MET: variants seen among roughly 807,000 people sequenced by gnomAD.
MET encodes the protein MET proto-oncogene, receptor tyrosine kinase, also known as hepatocyte growth factor receptor.
A neutral mutation model predicts 133.1 loss-of-function variants in MET; 48 were observed. The observed-to-expected ratio is 0.36, with a 90% CI of 0.29 to 0.46. The LOEUF (loss-of-function observed/expected upper bound fraction) is 0.46. Ranked by LOEUF, MET falls within the 20% of genes least tolerant of loss-of-function variation. The pLI is 1.00. For synonymous variants in MET, 628 were observed against 616.5 expected, an observed-to-expected ratio of 1.02 and a Z score of -0.28; for missense variants, 1,442 against 1,695.9, an observed-to-expected ratio of 0.85 and a Z score of 2.63.
chr7:116,750,989 T>A (rs1008564654), intron 5 of MET, among the ~76,000 whole-genome samples: 2 of 152,204 alleles, frequency 1.3e-5, no homozygotes, highest in Middle Eastern at 3.2e-3. Context: ...GTAAATTAGT[T>A]CAACCATTGT....
chr7:116,765,992 T>C (rs1794612284), intron 11 of MET, among the ~76,000 whole-genome samples: 1 of 152,232 alleles, frequency 6.6e-6, no homozygotes, highest in African/African-American at 2.4e-5. Flanking sequence ...TTAACTCTCA[T>C]TTAATGTATA....
intron 18 of MET, 47 bp downstream of exon 18, chr7:116,782,144 A>G: frequency 7.6e-7 from 1 of 1,322,122 alleles, no homozygotes. Context: ...AGTGACAAGG[A>G]GGAATCTGTT....
At position 116,796,330 on chromosome 7, in the gene MET, C is replaced by A; in HGVS notation, c.*206C>A. 1.7e-6 allele frequency: 1 copy of A among 599,552 alleles called. No individual in the cohort carries two copies. The highest frequency in any genetic ancestry group is 3.0e-6 in the Non-Finnish European group (1 of 337,044). The allele number at this position is 599,552 out of a possible 1,614,324, so 37.1% of individuals were successfully genotyped here. A position where few individuals can be genotyped will look rare whatever the true frequency, so the allele number is the denominator to read the frequency against. On this transcript the variant is annotated 3_prime_UTR_variant, in exon 21 of 21. Coordinates refer to ENST00000397752, the MANE Select transcript of MET (RefSeq NM_000245.4). The stretch of plus-strand genomic sequence containing the variant: ...AGGCTTGGTCCCACAGGCCACGGAC[C>A]AATGGCCTGCAGCCGTGACAACACT...
chr7:116,764,830 G>C (rs1296893038), intron 11 of MET, among the ~76,000 whole-genome samples: 1 of 152,176 alleles, frequency 6.6e-6, no homozygotes, highest in Non-Finnish European at 1.5e-5. Flanking sequence ...CCACGTGACA[G>C]AATAGTAATC....
chr7:116,764,216 C>T (rs567846166), intron 11 of MET, among the ~76,000 whole-genome samples: 209 of 152,240 alleles, frequency 1.4e-3, no homozygotes, highest in African/African-American at 3.8e-3. Flanking sequence ...CATATGTTCA[C>T]GTTCATACAA....
chr7:116,764,029 A>G (rs1794513438), intron 11 of MET, among the ~76,000 whole-genome samples: 2 of 152,090 alleles, frequency 1.3e-5, no homozygotes, highest in Non-Finnish European at 1.5e-5. Context: ...AACATTTAGA[A>G]TTTTTTTTCC....
intron 16 of MET, among the ~76,000 whole-genome samples, chr7:116,777,679 G>A (rs1795036717): frequency 6.6e-6 from 1 of 152,158 alleles, no homozygotes; most frequent in African/African-American, 2.4e-5. Flanking sequence ...CATTAGTAAG[G>A]GGGTAGGAGA....
Position 116,767,961 on chromosome 7 carries a change from CAT to C in MET, c.2584-1671_2584-1670del, listed in dbSNP as rs35523419. On this transcript the variant is annotated intron_variant, in intron 11 of 20. Coordinates refer to ENST00000397752, the MANE Select transcript of MET (RefSeq NM_000245.4). ...TCTGGGACTTTACGCTTCTAATATG[CAT>C]ATATATATATATGTGTGTGTGTGTG... Among the ~76,000 whole-genome samples, 57 of 139,028 alleles carry C rather than the reference CAT, an allele frequency of 4.1e-4. 1 individual carries two copies. Among genetic ancestry groups the C allele is most frequent in the Admixed American group, 7.9e-4 (11 of 13,944 alleles). The allele number at this position is 139,028 out of a possible 152,430, so 91.2% of individuals were successfully genotyped here.
chr7:116,767,972 ATATG>A (rs888370177), intron 11 of MET, among the ~76,000 whole-genome samples: 19 of 124,522 alleles, frequency 1.5e-4, no homozygotes, highest in East Asian at 2.4e-4. Flanking sequence ...ATATATATAT[ATATG>A]TGTGTGTGTG....
intron 10 of MET, 34 bp from the exon 11 acceptor site, chr7:116,763,016 T>A: frequency 6.4e-7 from 1 of 1,562,048 alleles, no homozygotes. Context: ...CAAGCTGTAT[T>A]CTGTTTACAG....
In MET at chr7:116,796,562, T is replaced by C. The variant is rs955990225; in HGVS notation, c.*438T>C. 1 of 336,752 alleles carries C rather than the reference T, an allele frequency of 3.0e-6. No individual in the cohort carries two copies. Among genetic ancestry groups the C allele is most frequent in the Non-Finnish European group, 5.5e-6 (1 of 181,162 alleles). 20.9% of individuals were successfully genotyped at this position (336,752 alleles called of 1,614,324 possible). On this transcript the variant is annotated 3_prime_UTR_variant, in exon 21 of 21. Coordinates refer to ENST00000397752, the MANE Select transcript of MET (RefSeq NM_000245.4). ...GAATTCTAGTGTTTCAAAACACTTT[T>C]GTGTGTTGTATGGTCAATAACATTT...
At chr7:116,712,618 T>C (rs1792041724) in intron 2 of MET, among the ~76,000 whole-genome samples, 2 of 152,186 alleles carry the variant, frequency 1.3e-5, no homozygotes, top group Admixed American at 6.5e-5. Flanking sequence ...ATTTATAGAA[T>C]TGGGGAGTTT....
intron 5 of MET, among the ~76,000 whole-genome samples, chr7:116,745,807 G>A (rs1364445964): frequency 6.6e-6 from 1 of 152,206 alleles, no homozygotes; most frequent in Non-Finnish European, 1.5e-5. Context: ...GTAAATGTTA[G>A]ACCTAAAACT....
intron 2 of MET, among the ~76,000 whole-genome samples, chr7:116,723,270 G>A (rs867962356): frequency 0.014 from 1,953 of 142,630 alleles, 39 homozygotes; most frequent in African/African-American, 0.048. Context: ...CCAGTTGATC[G>A]CATCGGCTCC....
At chr7:116,686,201 G>A (rs1796550255) in intron 1 of MET, among the ~76,000 whole-genome samples, 1 of 152,062 alleles carries the variant, frequency 6.6e-6, no homozygotes, top group Non-Finnish European at 1.5e-5. Flanking sequence ...GGCCTACAAG[G>A]CCTTACATGC....
At chr7:116,776,835 G>T (rs1424136579) in intron 15 of MET, among the ~76,000 whole-genome samples, 2 of 152,252 alleles carry the variant, frequency 1.3e-5, no homozygotes, top group African/African-American at 4.8e-5. Flanking sequence ...GCTTCATCTG[G>T]GCAACTGCCT....
chr7:116,691,235 A>C (rs990769847), intron 1 of MET, among the ~76,000 whole-genome samples: 1 of 152,212 alleles, frequency 6.6e-6, no homozygotes, highest in Non-Finnish European at 1.5e-5. Flanking sequence ...TATCTTATGT[A>C]AATATTGTAG....
chr7:116,708,264 G>C (rs2116645123), intron 2 of MET, among the ~76,000 whole-genome samples: 1 of 152,240 alleles, frequency 6.6e-6, no homozygotes, highest in South Asian at 2.1e-4. Context: ...TCCTGAGGAG[G>C]TGAAAGCTAA....
At chr7:116,767,367 G>A (rs548086562) in intron 11 of MET, among the ~76,000 whole-genome samples, 152 of 152,178 alleles carry the variant, frequency 1.0e-3, no homozygotes, top group Non-Finnish European at 1.9e-3. Context: ...TTTTGAAATG[G>A]ATCCATTTTG....
Sources: allele counts gnomAD v4.1 joint callset (sites outside exome capture counted in the v4.1 genomes callset), GRCh38; gene constraint gnomAD v4.1.1; transcripts MANE v1.5; gene names NCBI Gene and HGNC (gene_info 2026-07-23, HGNC 2026-07-21).